KLHL32: variants seen among roughly 807,000 people sequenced by gnomAD.
KLHL32 encodes the protein kelch-like protein 32.
In KLHL32, 35 loss-of-function variants were observed where a neutral mutation model predicts 64.8. That is an observed-to-expected ratio of 0.54 (90% confidence interval 0.41 to 0.72). KLHL32 has a LOEUF of 0.72. Among genes scored for constraint, KLHL32 ranks in the 30% least tolerant of loss-of-function variants. KLHL32 has a pLI of 0.00. For missense variants in KLHL32, 589 were observed against 768.5 expected (o/e 0.77, Z 2.76); for synonymous variants, 259 against 281.0 (o/e 0.92, Z 0.78).
the KLHL32 span, among the ~76,000 whole-genome samples, chr6:96,909,166 C>A: frequency 2.0e-5 from 3 of 152,078 alleles, no homozygotes; most frequent in African/African-American, 7.2e-5. Context: ...TACCAATTGA[C>A]CTGCCTTGGG....
intron 2 of KLHL32, among the ~76,000 whole-genome samples, chr6:96,972,010 C>T (rs1207452334): frequency 6.6e-6 from 1 of 151,976 alleles, no homozygotes; most frequent in South Asian, 2.1e-4. Flanking sequence ...CGCCACCACA[C>T]CTGGCTAATT....
intron 3 of KLHL32, among the ~76,000 whole-genome samples, chr6:97,018,167 G>T (rs970767649): frequency 3.9e-5 from 6 of 151,928 alleles, no homozygotes; most frequent in Non-Finnish European, 7.4e-5. Context: ...TTTTTTCAAT[G>T]CTACATACTT....
chr6:96,978,696 T>C (rs939783744), intron 3 of KLHL32, among the ~76,000 whole-genome samples: 2 of 152,200 alleles, frequency 1.3e-5, no homozygotes, highest in Non-Finnish European at 2.9e-5. Flanking sequence ...TAATACTGTT[T>C]TAAGTTCTTT....
the KLHL32 span, among the ~76,000 whole-genome samples, chr6:96,904,557 AAATGTC>A: frequency 6.6e-6 from 1 of 152,162 alleles, no homozygotes; most frequent in Non-Finnish European, 1.5e-5. Flanking sequence ...AATAGTGTAA[AAATGTC>A]AATTATTCAA....
intron 3 of KLHL32, among the ~76,000 whole-genome samples, chr6:96,978,132 T>C (rs990122530): frequency 8.5e-5 from 13 of 152,284 alleles, no homozygotes; most frequent in Non-Finnish European, 1.8e-4. Flanking sequence ...CATTTCAGTA[T>C]TGGATTTTTT....
chr6:97,065,978 G>A (rs978232178), intron 5 of KLHL32, among the ~76,000 whole-genome samples: 3 of 129,018 alleles, frequency 2.3e-5, no homozygotes, highest in Admixed American at 1.5e-4. Context: ...ACAGTAAATG[G>A]TTAATGATTT....
At chr6:96,995,930 CA>C (rs1395136101) in intron 3 of KLHL32, among the ~76,000 whole-genome samples, 1 of 152,220 alleles carries the variant, frequency 6.6e-6, no homozygotes, top group African/African-American at 2.4e-5. Context: ...ACCAACTAAA[CA>C]CTAGTGAAGT....
chr6:97,000,454 G>C (rs1322057626), intron 3 of KLHL32, among the ~76,000 whole-genome samples: 1 of 152,188 alleles, frequency 6.6e-6, no homozygotes, highest in Non-Finnish European at 1.5e-5. Flanking sequence ...CTGGTAACCG[G>C]ATTTCTGATC....
Position 97,094,414 on chromosome 6 carries a change from T to C in KLHL32, c.627+9073T>C, listed in dbSNP as rs114075186. ...CCACCCTTGCCTCCAAAACTTCTGC[T>C]ACAAGGAAAAATAACACCCTGATTC... is the stretch of plus-strand genomic sequence containing the variant. On this transcript the variant is annotated intron_variant, in intron 6 of 10. Transcript: ENST00000369261. Among the ~76,000 whole-genome samples the C allele has an allele frequency of 7.4e-3, 1,121 of 152,292 alleles. 10 individuals are homozygous for C. The highest frequency in any genetic ancestry group is 0.026 in the African/African-American group (1,070 of 41,554).
chr6:96,981,251 TG>T (rs1776275127), intron 3 of KLHL32, among the ~76,000 whole-genome samples: 1 of 152,224 alleles, frequency 6.6e-6, no homozygotes, highest in South Asian at 2.1e-4. Context: ...CTTATTGGTC[TG>T]TACAGGGATT....
At chr6:96,901,921 C>A in the KLHL32 span, among the ~76,000 whole-genome samples, 1 of 152,142 alleles carries the variant, frequency 6.6e-6, no homozygotes, top group Non-Finnish European at 1.5e-5. Flanking sequence ...GATCTTATTC[C>A]TTTTTATGGC....
At chr6:96,980,970 A>T (rs1249243427) in intron 3 of KLHL32, among the ~76,000 whole-genome samples, 2 of 141,174 alleles carry the variant, frequency 1.4e-5, no homozygotes, top group Non-Finnish European at 3.1e-5. Flanking sequence ...CATTCTTCAC[A>T]TGGTGGCAGC....
At chr6:96,923,413 G>A (rs1376330249), upstream of KLHL32, among the ~76,000 whole-genome samples, 1 of 152,218 alleles carries the variant, frequency 6.6e-6, no homozygotes, top group African/African-American at 2.4e-5. Flanking sequence ...TGCACCTAAT[G>A]TTTGTAGTCA....
At chr6:97,055,565 A>G (rs1363318826) in intron 4 of KLHL32, among the ~76,000 whole-genome samples, 1 of 152,138 alleles carries the variant, frequency 6.6e-6, no homozygotes, top group Non-Finnish European at 1.5e-5. Flanking sequence ...TGGGAGGCCA[A>G]CGCAGGTGGG....
chr6:97,029,784 G>T (rs1338587947), intron 3 of KLHL32, among the ~76,000 whole-genome samples: 1 of 152,204 alleles, frequency 6.6e-6, no homozygotes, highest in African/African-American at 2.4e-5. Flanking sequence ...TATATGTGAG[G>T]TGTAACCAAA....
intron 7 of KLHL32, among the ~76,000 whole-genome samples, chr6:97,119,626 T>C (rs989735795): frequency 2.0e-5 from 3 of 152,182 alleles, no homozygotes; most frequent in African/African-American, 7.2e-5. Flanking sequence ...GCAGACTACC[T>C]TGGCAAAAAG....
chr6:97,028,193 G>C (rs76018325), intron 3 of KLHL32, among the ~76,000 whole-genome samples: 4,910 of 152,134 alleles, frequency 0.032, 240 homozygotes, highest in African/African-American at 0.11. Flanking sequence ...TTCCCATCTA[G>C]TAAGTGTCGG....
intron 7 of KLHL32, among the ~76,000 whole-genome samples, chr6:97,120,874 TTC>T (rs1798290458): frequency 6.6e-6 from 1 of 152,216 alleles, no homozygotes; most frequent in South Asian, 2.1e-4. Context: ...CAGTTACTTT[TTC>T]TTTTTTTCAC....
intron 3 of KLHL32, among the ~76,000 whole-genome samples, chr6:97,040,935 G>T (rs1436074425): frequency 6.6e-6 from 1 of 152,102 alleles, no homozygotes; most frequent in African/African-American, 2.4e-5. Context: ...CACCATTATT[G>T]TAAGTTTCCT....
Sources: gnomAD v4.1 joint callset for allele counts (sites outside exome capture counted in the v4.1 genomes callset) on GRCh38, gnomAD v4.1.1 for gene constraint, MANE v1.5 for transcripts, NCBI Gene and HGNC (gene_info 2026-07-23, HGNC 2026-07-21) for gene names.